MSH6: variants seen among roughly 807,000 people sequenced by gnomAD.
MSH6 encodes DNA mismatch repair protein Msh6.
In MSH6, 85 loss-of-function variants were observed where a neutral mutation model predicts 119.1. The observed-to-expected ratio is 0.71, with a 90% CI of 0.60 to 0.85. The LOEUF (loss-of-function observed/expected upper bound fraction) is 0.85, where lower values mean the gene tolerates loss of function less well. MSH6 is among the 40% of genes least tolerant of loss of function. The pLI, the probability that MSH6 is intolerant of heterozygous loss-of-function variation, is 0.00. For missense variants in MSH6, 2,163 were observed against 1,655.3 expected, an observed-to-expected ratio of 1.31 and a Z score of -5.32; for synonymous variants, 830 against 586.9, an observed-to-expected ratio of 1.41 and a Z score of -5.99.
downstream of MSH6, chr2:47,808,952 C>T: frequency 2.4e-6 from 1 of 423,358 alleles, no homozygotes; most frequent in Non-Finnish European, 4.2e-6. Flanking sequence ...CCACTTCAGC[C>T]TCCCAAAGTG....
At position 47,793,641 on chromosome 2, in the gene MSH6, A is replaced by T. The variant is rs141293497; in HGVS notation, c.458-2253A>T. Among the ~76,000 whole-genome samples the T allele has an allele frequency of 3.9e-4, 59 of 151,434 alleles. 2 individuals are homozygous for T. In the East Asian group the frequency reaches 0.011, roughly 29 times the overall value. On this transcript the variant is annotated intron_variant, in intron 2 of 9. Coordinates refer to ENST00000234420, the MANE Select transcript of MSH6 (RefSeq NM_000179.3). Reference sequence around the variant, plus strand: ...TAAATAAATAAATAAATAAAATAAAATAATAAATAAAGTAAAAAGATCTCT... The same window carrying T: ...TAAATAAATAAATAAATAAAATAAATTAATAAATAAAGTAAAAAGATCTCT...
chr2:47,795,868 T>C (rs370327830), intron 2 of MSH6, 26 bp from the exon 3 acceptor site: 8 of 1,609,514 alleles, frequency 5.0e-6, no homozygotes, highest in East Asian at 2.2e-5. Context: ...CCGGCCCTTA[T>C]TGTTTATAAA....
intron 1 of MSH6, among the ~76,000 whole-genome samples, chr2:47,785,240 T>C (rs1325749570): frequency 6.6e-6 from 1 of 152,180 alleles, no homozygotes; most frequent in Non-Finnish European, 1.5e-5. Context: ...TGTTTGGTTT[T>C]GTTTTGAAAT....
At chr2:47,787,449 A>T (rs1668414367) in intron 1 of MSH6, among the ~76,000 whole-genome samples, 1 of 152,210 alleles carries the variant, frequency 6.6e-6, no homozygotes, top group African/African-American at 2.4e-5. Flanking sequence ...CAAAGCCATT[A>T]CTTATTATAT....
chr2:47,785,381 C>A (rs3136242), intron 1 of MSH6, among the ~76,000 whole-genome samples: 8,135 of 151,202 alleles, frequency 0.054, 241 homozygotes, highest in Non-Finnish European at 0.068. Context: ...GTGTGCCCAC[C>A]GCGGTCCGGC....
rs1418781340 is a variant in MSH6, at chr2:47,788,906, CCTTTTTTTTTTTTTTG to C, written c.261-2020_261-2005del. ...GCTATTTCTTTCTTTCTTTCTTCTT[CCTTTTTTTTTTTTTTG>C]TTTTTTTTTTTTTTTTTTTTTTTTT... On this transcript the variant is annotated intron_variant, in intron 1 of 9. Coordinates refer to ENST00000234420, the MANE Select transcript of MSH6 (RefSeq NM_000179.3). Among the ~76,000 whole-genome samples the C allele has an allele frequency of 7.1e-3, 113 of 15,812 alleles. 4 individuals are homozygous for C. Among genetic ancestry groups the C allele is most frequent in the East Asian group, 0.019 (15 of 792 alleles). The allele number at this position is 15,812 out of a possible 152,430, so 10.4% of individuals were successfully genotyped here.
intron 3 of MSH6, among the ~76,000 whole-genome samples, chr2:47,797,174 C>A (rs754498163): frequency 6.6e-6 from 1 of 152,126 alleles, no homozygotes. Context: ...TGGCCTAAGA[C>A]AATTCTTCCA....
intron 2 of MSH6, among the ~76,000 whole-genome samples, chr2:47,792,437 GA>G (rs1668792330): frequency 6.6e-6 from 1 of 152,204 alleles, no homozygotes; most frequent in Admixed American, 6.6e-5. Context: ...GGTGGAAAGA[GA>G]ATTGGGAAGT....
downstream of MSH6, chr2:47,809,741 ACTTTATACTGCTT>A: frequency 7.2e-7 from 1 of 1,383,014 alleles, no homozygotes; most frequent in South Asian, 1.2e-5. Context: ...TAGATACATC[ACTTTATACTGCTT>A]CTTAAAAACC....
downstream of MSH6, chr2:47,808,891 C>A (rs1670415492): frequency 1.5e-5 from 5 of 323,128 alleles, no homozygotes; most frequent in Non-Finnish European, 2.8e-5. Flanking sequence ...GAGACAGGGT[C>A]TCCCTATGTT....
chr2:47,791,220 T>C, intron 2 of MSH6, 97 bp downstream of exon 2: 1 of 1,198,372 alleles, frequency 8.3e-7, no homozygotes, highest in Non-Finnish European at 1.2e-6. Flanking sequence ...TATGATGAAA[T>C]TAAGTGTATT....
In MSH6 at chr2:47,800,029, T is replaced by C. The variant is rs755329012; in HGVS notation, c.2046T>C (p.Ser682=). Residue 682 remains serine (S), a synonymous_variant, in exon 4 of 10, where the codon TCT becomes TCC. Transcript: ENST00000234420. ...GAGAGAAAAGTGAATTGGCCCTCTC[T>C]GCTCTAGGTGGTTGTGTCTTCTACC... ...TPGEKSELAL[S]ALGGCVFYLK... is the part of the protein sequence containing the mutation. The C allele has an allele frequency of 6.2e-7, 1 of 1,614,158 alleles. No homozygotes were observed.
intron 4 of MSH6, among the ~76,000 whole-genome samples, chr2:47,802,642 T>G (rs918120477): frequency 6.6e-6 from 1 of 151,572 alleles, no homozygotes; most frequent in South Asian, 2.1e-4. Context: ...CCTGTTTTTT[T>G]TTTTTTTTTT....
In MSH6 at chr2:47,801,386, T is replaced by G. The variant is rs796259693; in HGVS notation, c.3172+231T>G. 2.8e-4 allele frequency: 138 copies of G among 490,926 alleles called. 4 individuals carry two copies. In the Middle Eastern group the frequency reaches 3.5e-3, roughly 12 times the overall value. 30.4% of individuals were successfully genotyped at this position (490,926 alleles called of 1,614,324 possible). ...GTTTTTTTTTTTTTTTTTTTTTTTT[T>G]GAGACATGGTCTTGCTCTGTTGCCC... On this transcript the variant is annotated intron_variant, in intron 4 of 9. Transcript: ENST00000234420.
intron 4 of MSH6, among the ~76,000 whole-genome samples, chr2:47,802,061 T>C (rs1669633624): frequency 6.6e-6 from 1 of 152,248 alleles, no homozygotes; most frequent in Non-Finnish European, 1.5e-5. Flanking sequence ...CAAGGTGCTT[T>C]GTTACACTAT....
At chr2:47,784,171 C>T (rs1189268771) in intron 1 of MSH6, 5 of 1,001,082 alleles carry the variant, frequency 5.0e-6, no homozygotes, top group South Asian at 9.4e-5. Context: ...CCATGGGGAC[C>T]GCGGGGCCTA....
chr2:47,796,899 A>C (rs1456480849), intron 3 of MSH6, among the ~76,000 whole-genome samples: 1 of 152,104 alleles, frequency 6.6e-6, no homozygotes, highest in African/African-American at 2.4e-5. Context: ...AGGCAGAGGG[A>C]CTTGGGAGGC....
At chr2:47,788,907 C>CTTTTTTTTTT (rs1558650117) in intron 1 of MSH6, among the ~76,000 whole-genome samples, 15 of 17,274 alleles carry the variant, frequency 8.7e-4, no homozygotes, top group Non-Finnish European at 1.1e-3. Context: ...TTTCTTCTTC[C>CTTTTTTTTTT]TTTTTTTTTT....
chr2:47,783,307 C>T lies in MSH6; in HGVS notation c.74C>T (p.Ala25Val), dbSNP rs35462442. 3 of 1,611,964 alleles carry T rather than the reference C, an allele frequency of 1.9e-6. No individual in the cohort carries two copies. Among genetic ancestry groups the T allele is most frequent in the African/African-American group, 1.3e-5 (1 of 74,900 alleles). ...CTGAGTGATGCCAACAAGGCCTCGG[C>T]CAGGGCCTCACGCGAAGGCGGCCGT... ...PALSDANKAS[A>V]RASREGGRAA... Residue 25 changes from alanine to valine, a missense_variant, in exon 1 of 10, where the codon GCC (alanine) becomes GTC (valine). By Grantham distance (64) the Ala-to-Val change is moderately conservative. Transcript: ENST00000234420.
Sources: allele counts gnomAD v4.1 joint callset (sites outside exome capture counted in the v4.1 genomes callset), GRCh38; gene constraint gnomAD v4.1.1; transcripts MANE v1.5; gene names NCBI Gene and HGNC (gene_info 2026-07-23, HGNC 2026-07-21).